Variants in OSBPL10 observed in about 807,000 individuals in gnomAD.
OSBPL10 encodes the protein oxysterol binding protein like 10.
Under a neutral mutation model 81.7 loss-of-function variants are expected in OSBPL10, and 49 were observed. The ratio of observed to expected loss-of-function variants is 0.60; its 90% CI spans 0.48 to 0.76. OSBPL10 has a LOEUF of 0.76. Ranked by LOEUF, OSBPL10 falls within the 30% of genes least tolerant of loss-of-function variation. The pLI, the probability that OSBPL10 is intolerant of heterozygous loss-of-function variation, is 0.00. For missense variants in OSBPL10, 923 were observed against 987.8 expected (o/e 0.93, Z 0.88); for synonymous variants, 419 against 383.6 (o/e 1.09, Z -1.08).
intron 1 of OSBPL10, among the ~76,000 whole-genome samples, chr3:31,920,703 G>T (rs1005574582): frequency 6.6e-6 from 1 of 152,170 alleles, no homozygotes; most frequent in African/African-American, 2.4e-5. Context: ...GGAGGTGCCT[G>T]GGTCGTGGGA....
chr3:31,966,775 T>G (rs1361292982), intron 1 of OSBPL10, among the ~76,000 whole-genome samples: 1 of 152,048 alleles, frequency 6.6e-6, no homozygotes, highest in African/African-American at 2.4e-5. Flanking sequence ...AATTTAAAAA[T>G]GGGCAAAAGA....
intron 1 of OSBPL10, among the ~76,000 whole-genome samples, chr3:31,958,392 TA>T (rs781188096): frequency 1.3e-5 from 2 of 152,188 alleles, no homozygotes; most frequent in Non-Finnish European, 2.9e-5. Context: ...TAGGCCTCAC[TA>T]GATCCAATGT....
chr3:32,029,535 G>A (rs1013529337), intron 2 of OSBPL10, among the ~76,000 whole-genome samples: 10 of 152,036 alleles, frequency 6.6e-5, no homozygotes, highest in African/African-American at 2.2e-4. Flanking sequence ...GTACAGATAC[G>A]GATATGTTCT....
rs1277431644 is a variant in OSBPL10 at position 31,713,227 on chromosome 3, C to T, written c.1096-10719G>A. Among the ~76,000 whole-genome samples, 6 of 152,278 alleles carry T rather than the reference C, an allele frequency of 3.9e-5. No homozygotes were observed. The South Asian group carries it at 6.2e-4, about 16-fold the overall frequency. ...GCCCCCACGACTTCTCTACTCTTCT[C>T]TTGATCACGCTCCCCTCCTTGTTCA... is the stretch of plus-strand genomic sequence containing the variant. On this transcript the variant is annotated intron_variant, in intron 6 of 11. Transcript: ENST00000396556.
At chr3:31,905,368 T>TTTTTG (rs869077578) in intron 1 of OSBPL10, among the ~76,000 whole-genome samples, 1 of 148,192 alleles carries the variant, frequency 6.7e-6, no homozygotes. Context: ...TTTTTTTTTT[T>TTTTTG]AGACGGACTC....
At chr3:31,711,393 C>T (rs116539682) in intron 6 of OSBPL10, among the ~76,000 whole-genome samples, 3,833 of 152,270 alleles carry the variant, frequency 0.025, 180 homozygotes, top group African/African-American at 0.086. Flanking sequence ...AGGAGGGGAA[C>T]GCAGTGGCCA....
chr3:32,052,606 C>T (rs6765069), intron 1 of OSBPL10, among the ~76,000 whole-genome samples: 116,424 of 152,114 alleles, frequency 0.77, 45,223 homozygotes, highest in East Asian at 1. Context: ...ATATATACCA[C>T]GGAATACCAT....
intron 4 of OSBPL10, among the ~76,000 whole-genome samples, chr3:31,770,660 C>T (rs927436158): frequency 2.6e-5 from 4 of 152,126 alleles, no homozygotes; most frequent in African/African-American, 9.7e-5. Flanking sequence ...GAGGTGCATG[C>T]CTGTAATCCC....
chr3:31,685,868 T>C (rs895285601), intron 7 of OSBPL10, among the ~76,000 whole-genome samples: 2 of 152,190 alleles, frequency 1.3e-5, no homozygotes, highest in Non-Finnish European at 2.9e-5. Flanking sequence ...TGGTCTGAGT[T>C]TGTCCTCTCC....
chr3:31,753,663 C>T (rs940492107), intron 4 of OSBPL10, among the ~76,000 whole-genome samples: 6 of 152,134 alleles, frequency 3.9e-5, no homozygotes, highest in Admixed American at 2.0e-4. Flanking sequence ...AAATGTTCAT[C>T]AACGCTTTAA....
chr3:31,742,003 C>G (rs765967656), intron 5 of OSBPL10, among the ~76,000 whole-genome samples: 7 of 152,230 alleles, frequency 4.6e-5, no homozygotes, highest in Non-Finnish European at 8.8e-5. Flanking sequence ...CAATAAACCC[C>G]TTTCTTTTGT....
At chr3:31,966,155 G>GTC (rs1283284886) in intron 1 of OSBPL10, among the ~76,000 whole-genome samples, 348 of 39,618 alleles carry the variant, frequency 8.8e-3, no homozygotes, top group African/African-American at 0.068. Context: ...ACAAAATTAT[G>GTC]TGTGTGTGTG....
intron 1 of OSBPL10, among the ~76,000 whole-genome samples, chr3:31,912,449 A>C (rs890963710): frequency 8.6e-5 from 13 of 151,868 alleles, no homozygotes; most frequent in Non-Finnish European, 1.6e-4. Context: ...CGGGGGGCGG[A>C]CATTAGTAAA....
At chr3:31,919,723 C>T (rs1453838102) in intron 1 of OSBPL10, among the ~76,000 whole-genome samples, 2 of 152,178 alleles carry the variant, frequency 1.3e-5, no homozygotes, top group Admixed American at 1.3e-4. Flanking sequence ...GGAATGGCTT[C>T]CAGAATGTGC....
At chr3:31,817,536 G>T (rs1056220459) in intron 4 of OSBPL10, among the ~76,000 whole-genome samples, 4 of 125,112 alleles carry the variant, frequency 3.2e-5, no homozygotes, top group Non-Finnish European at 6.8e-5. Context: ...TGCAGCTGTG[G>T]GTCAGGCGGC....
chr3:31,688,863 G>A (rs1390934095), intron 7 of OSBPL10, among the ~76,000 whole-genome samples: 1 of 152,144 alleles, frequency 6.6e-6, no homozygotes, highest in African/African-American at 2.4e-5. Context: ...AATGTCTAAT[G>A]AATGAGTAGA....
At chr3:31,748,213 T>C (rs1170367821) in intron 4 of OSBPL10, 93 bp from the exon 5 acceptor site, 4 of 1,075,148 alleles carry the variant, frequency 3.7e-6, no homozygotes, top group Non-Finnish European at 5.5e-6. Context: ...TGGGTAAAAC[T>C]AGGTGAGGGT....
intron 2 of OSBPL10, among the ~76,000 whole-genome samples, chr3:32,006,850 T>C (rs1699210757): frequency 6.6e-6 from 1 of 152,260 alleles, no homozygotes; most frequent in South Asian, 2.1e-4. Flanking sequence ...GGGAGTCTAG[T>C]CGTCCTTCTT....
At chr3:31,928,210 T>A (rs1009892560) in intron 1 of OSBPL10, among the ~76,000 whole-genome samples, 2 of 152,294 alleles carry the variant, frequency 1.3e-5, no homozygotes, top group Admixed American at 1.3e-4. Context: ...TAGGTCCCTA[T>A]ACAACTTTAA....
Sources: allele counts gnomAD v4.1 joint callset (sites outside exome capture counted in the v4.1 genomes callset), GRCh38; gene constraint gnomAD v4.1.1; transcripts MANE v1.5; gene names NCBI Gene and HGNC (gene_info 2026-07-23, HGNC 2026-07-21).